Variants in WDPCP observed in about 807,000 individuals in gnomAD.
WDPCP encodes the protein WD repeat containing planar cell polarity effector.
WDPCP carries 71 observed loss-of-function variants against 93.1 expected under a neutral mutation model. The ratio of observed to expected loss-of-function variants is 0.76; its 90% CI spans 0.63 to 0.93. WDPCP has a LOEUF of 0.93. WDPCP is among the 40% of genes least tolerant of loss of function. WDPCP has a pLI of 0.00. For synonymous variants in WDPCP, 315 were observed against 315.0 expected (o/e 1.00, Z 0.00); for missense variants, 844 against 887.4 (o/e 0.95, Z 0.62).
intron 2 of WDPCP, among the ~76,000 whole-genome samples, chr2:63,795,444 T>A (rs1410774677): frequency 1.4e-5 from 2 of 147,974 alleles, no homozygotes; most frequent in African/African-American, 5.0e-5. Flanking sequence ...GGCAGGAGGA[T>A]CACATGAGCC....
At chr2:63,479,950 T>C (rs1226785602) in intron 6 of WDPCP, among the ~76,000 whole-genome samples, 1 of 152,116 alleles carries the variant, frequency 6.6e-6, no homozygotes, top group Non-Finnish European at 1.5e-5. Context: ...TGTCACTGTT[T>C]GCTGATGATA....
At chr2:63,360,568 A>G (rs959682484) in intron 12 of WDPCP, among the ~76,000 whole-genome samples, 1 of 152,236 alleles carries the variant, frequency 6.6e-6, no homozygotes, top group South Asian at 2.1e-4. Context: ...CCTCCCAAGG[A>G]AAATCTTTAT....
At chr2:63,813,676 C>T (rs964145245) in exon 2 of WDPCP, 4 of 152,180 alleles carry the variant, frequency 2.6e-5, no homozygotes, top group Non-Finnish European at 5.9e-5. Context: ...GAGGGCAGGG[C>T]ACTTTGTTTT....
chr2:63,303,986 AC>A (rs1429401469), intron 13 of WDPCP, among the ~76,000 whole-genome samples: 1 of 151,258 alleles, frequency 6.6e-6, no homozygotes, highest in African/African-American at 2.4e-5. Flanking sequence ...AAAAAAAAAA[AC>A]AGATGTAGGC....
rs906860937 is a variant in WDPCP at position 63,454,627 on chromosome 2, G to A, written c.385-14756C>T. 9.9e-4 allele frequency among the ~76,000 whole-genome samples: 150 copies of A among 152,106 alleles called. 2 individuals carry two copies. Among genetic ancestry groups the A allele is most frequent in the Non-Finnish European group, 5.1e-4 (35 of 68,018 alleles). ...ATTCCTGAAGGTGTGGAGATAATGA[G>A]AAAGTTCAAAAACTTACTTAAAATA... On this transcript the variant is annotated intron_variant, in intron 6 of 17. Transcript: ENST00000272321.
chr2:63,799,359 T>C (rs949767728), intron 2 of WDPCP, among the ~76,000 whole-genome samples: 5 of 152,212 alleles, frequency 3.3e-5, no homozygotes, highest in African/African-American at 1.2e-4. Flanking sequence ...TGACCTCAAC[T>C]ATTATCAACT....
chr2:63,352,292 T>C (rs1387781565), intron 12 of WDPCP, among the ~76,000 whole-genome samples: 2 of 152,300 alleles, frequency 1.3e-5, no homozygotes, highest in East Asian at 3.9e-4. Flanking sequence ...CACTTGTCTA[T>C]TTTTGTTTTT....
intron 1 of WDPCP, among the ~76,000 whole-genome samples, chr2:63,531,555 G>C (rs1703850816): frequency 6.6e-6 from 1 of 152,124 alleles, no homozygotes; most frequent in Admixed American, 6.5e-5. Context: ...AGCCTCCACT[G>C]GTGCTACCCA....
At chr2:63,192,198 C>A (rs1325642737) in intron 14 of WDPCP, among the ~76,000 whole-genome samples, 1 of 152,116 alleles carries the variant, frequency 6.6e-6, no homozygotes, top group African/African-American at 2.4e-5. Context: ...GTGAAAAACT[C>A]AGGAGACCAG....
At chr2:63,738,340 A>G (rs927421416) in intron 2 of WDPCP, among the ~76,000 whole-genome samples, 1 of 127,056 alleles carries the variant, frequency 7.9e-6, no homozygotes, top group Admixed American at 7.8e-5. Context: ...TGGCCTCACA[A>G]CAGAATGTTC....
rs1694431105 is a variant in WDPCP at position 63,404,676 on chromosome 2, A to G, written c.826-19T>C. On this transcript the variant is annotated intron_variant, in intron 9 of 17. Transcript: ENST00000272321. Reference sequence around the variant, plus strand: ...TCAGAACCTGTTAAGAAATATATCAAGTACATTCAGATAAACTTTGGTTTT... The same window carrying G: ...TCAGAACCTGTTAAGAAATATATCAGGTACATTCAGATAAACTTTGGTTTT... 2 of 1,613,584 alleles carry G rather than the reference A, an allele frequency of 1.2e-6. No individual in the cohort carries two copies. Among genetic ancestry groups the G allele is most frequent in the Non-Finnish European group, 1.7e-6 (2 of 1,179,910 alleles).
chr2:63,610,515 A>T (rs750039443), intron 3 of WDPCP, among the ~76,000 whole-genome samples: 3 of 152,124 alleles, frequency 2.0e-5, no homozygotes, highest in Non-Finnish European at 4.4e-5. Context: ...AATGAAAACC[A>T]AATTTTTGTT....
chr2:63,358,278 TATA>T (rs1483843173), intron 12 of WDPCP, among the ~76,000 whole-genome samples: 4 of 152,196 alleles, frequency 2.6e-5, no homozygotes, highest in African/African-American at 9.7e-5. Flanking sequence ...TTTGCATTCT[TATA>T]ATATTTCAGT....
At chr2:63,709,031 G>A (rs1669218332) in intron 2 of WDPCP, among the ~76,000 whole-genome samples, 1 of 126,384 alleles carries the variant, frequency 7.9e-6, no homozygotes, top group African/African-American at 3.0e-5. Flanking sequence ...GACCAGCCTG[G>A]CCAACATGGT....
intron 14 of WDPCP, among the ~76,000 whole-genome samples, chr2:63,247,104 T>A (rs2104685629): frequency 1.3e-5 from 2 of 152,260 alleles, no homozygotes; most frequent in Middle Eastern, 3.4e-3. Context: ...AGGAAACACT[T>A]CAAAATGCCA....
At chr2:63,529,291 C>G (rs926239924) in intron 1 of WDPCP, among the ~76,000 whole-genome samples, 2 of 152,090 alleles carry the variant, frequency 1.3e-5, no homozygotes, top group Non-Finnish European at 2.9e-5. Flanking sequence ...CTGTCTTGTG[C>G]AAGTTTTCAA....
rs1041729376 is a variant in WDPCP, at chr2:63,259,255, TACTA to T, written c.1915+48_1915+51del. 127 of 1,416,024 alleles carry T rather than the reference TACTA, an allele frequency of 9.0e-5. 2 individuals carry two copies. Among genetic ancestry groups the T allele is most frequent in the African/African-American group, 7.0e-4 (50 of 71,024 alleles). The allele number at this position is 1,416,024 out of a possible 1,614,324, so 87.7% of individuals were successfully genotyped here. ...GTCCTCCAAACATAAATAGAAATGA[TACTA>T]ACTATTGATTAAAATAAAAAGCACT... On this transcript the variant is annotated intron_variant, in intron 14 of 17. Coordinates refer to ENST00000272321, the MANE Select transcript of WDPCP (RefSeq NM_015910.7).
intron 2 of WDPCP, among the ~76,000 whole-genome samples, chr2:63,770,349 T>A (rs956092273): frequency 6.6e-6 from 1 of 151,864 alleles, no homozygotes; most frequent in African/African-American, 2.4e-5. Flanking sequence ...TAAATGAATA[T>A]ATTCAAAAAG....
At chr2:63,798,695 TA>T (rs1670648134) in intron 2 of WDPCP, among the ~76,000 whole-genome samples, 1 of 151,348 alleles carries the variant, frequency 6.6e-6, no homozygotes. Context: ...AGAAAATAAA[TA>T]AAAAATGGCA....
Sources: gnomAD v4.1 joint callset for allele counts (sites outside exome capture counted in the v4.1 genomes callset) on GRCh38, gnomAD v4.1.1 for gene constraint, MANE v1.5 for transcripts, NCBI Gene and HGNC (gene_info 2026-07-23, HGNC 2026-07-21) for gene names.